PPP2R5C: variants seen among roughly 807,000 people sequenced by gnomAD.
The protein encoded by PPP2R5C is protein phosphatase 2 regulatory subunit B'gamma.
A neutral mutation model predicts 68.9 loss-of-function variants in PPP2R5C; 7 were observed. The ratio of observed to expected loss-of-function variants is 0.10; its 90% CI spans 0.06 to 0.19. The LOEUF is 0.19. PPP2R5C is among the 10% of genes least tolerant of loss of function. The pLI is 1.00. For missense variants in PPP2R5C, 348 were observed against 641.3 expected, an observed-to-expected ratio of 0.54 and a Z score of 4.94; for synonymous variants, 210 against 222.2, an observed-to-expected ratio of 0.95 and a Z score of 0.49.
At chr14:101,768,019 C>A (rs1287439614) in intron 2 of PPP2R5C, among the ~76,000 whole-genome samples, 2 of 152,206 alleles carry the variant, frequency 1.3e-5, no homozygotes, top group African/African-American at 2.4e-5. Context: ...GAACACTTGA[C>A]TGTGGGGCAA....
intron 2 of PPP2R5C, among the ~76,000 whole-genome samples, chr14:101,857,552 CAGTT>C (rs79013270): frequency 0.035 from 5,397 of 152,330 alleles, 110 homozygotes; most frequent in Non-Finnish European, 0.046. Flanking sequence ...TATCATCCTG[CAGTT>C]AGTTCACTGT....
At chr14:101,870,673 A>G (rs1025466292) in intron 2 of PPP2R5C, among the ~76,000 whole-genome samples, 9 of 152,206 alleles carry the variant, frequency 5.9e-5, no homozygotes, top group African/African-American at 2.2e-4. Flanking sequence ...TCAGCTTGTT[A>G]TCTACAAAAT....
chr14:101,831,702 T>C (rs1415516677), intron 1 of PPP2R5C: 3 of 693,614 alleles, frequency 4.3e-6, no homozygotes, highest in African/African-American at 3.5e-5. Flanking sequence ...CAAATGCAGA[T>C]TGCAAATGCA....
intron 2 of PPP2R5C, among the ~76,000 whole-genome samples, chr14:101,868,588 C>T (rs564362748): frequency 3.9e-5 from 6 of 152,244 alleles, no homozygotes; most frequent in African/African-American, 1.4e-4. Context: ...AAATTTTACA[C>T]TTTAAATATG....
rs1028982544 is a variant in PPP2R5C, at chr14:101,899,967, G to T, written c.853-1752G>T. On this transcript the variant is annotated intron_variant, in intron 8 of 13. Coordinates refer to ENST00000334743, the Ensembl canonical transcript of PPP2R5C. The surrounding 1 kb of genome is among the most constrained non-coding windows in gnomAD (Gnocchi z 4.2). ...AGTGGCGCAGTCATGGCTCACTGCA[G>T]CCTCAACCTCCTGGGCTCAAGCAAT... 3.9e-5 allele frequency among the ~76,000 whole-genome samples: 6 copies of T among 152,042 alleles called. No individual in the cohort carries two copies. The highest frequency in any genetic ancestry group is 7.4e-5 in the Non-Finnish European group (5 of 68,006).
intron 3 of PPP2R5C, among the ~76,000 whole-genome samples, chr14:101,802,025 G>A (rs964059714): frequency 1.3e-5 from 2 of 152,196 alleles, no homozygotes; most frequent in African/African-American, 2.4e-5. Flanking sequence ...GTGGTCAAAC[G>A]AGTTTTGACA....
At chr14:101,886,139 G>A (rs1432187986) in intron 5 of PPP2R5C, among the ~76,000 whole-genome samples, 3 of 152,164 alleles carry the variant, frequency 2.0e-5, no homozygotes, top group Admixed American at 2.0e-4. Context: ...AAATTAGCCG[G>A]GCGTGGTGGC....
At chr14:101,838,665 G>T (rs957778570) in intron 1 of PPP2R5C, among the ~76,000 whole-genome samples, 1 of 152,242 alleles carries the variant, frequency 6.6e-6, no homozygotes, top group Non-Finnish European at 1.5e-5. Flanking sequence ...CAGAAAGGAG[G>T]AGCCCCAGGG....
upstream of PPP2R5C, chr14:101,761,872 G>A: frequency 8.8e-7 from 1 of 1,133,364 alleles, no homozygotes; most frequent in Non-Finnish European, 1.1e-6. Flanking sequence ...GGCGGCGGCG[G>A]CGGCGGCGGC....
chr14:101,912,340 C>T, intron 11 of PPP2R5C, 61 bp from the exon 14 acceptor site: 4 of 1,430,008 alleles, frequency 2.8e-6, no homozygotes, highest in Non-Finnish European at 3.7e-6. Flanking sequence ...GCCTTTTCCC[C>T]TTCAGTGTGT....
chr14:101,834,787 A>G (rs1285948837), intron 1 of PPP2R5C, among the ~76,000 whole-genome samples: 1 of 152,102 alleles, frequency 6.6e-6, no homozygotes, highest in East Asian at 1.9e-4. Context: ...CTAATTGACT[A>G]CCTCTACTCT....
chr14:101,824,015 C>G, intron 1 of PPP2R5C: 1 of 1,289,136 alleles, frequency 7.8e-7, no homozygotes, highest in Non-Finnish European at 1.0e-6. Flanking sequence ...TCTCACTAGG[C>G]ACAGTGCCCA....
chr14:101,786,649 A>T lies in PPP2R5C; in HGVS notation c.259+466A>T, dbSNP rs1366204215. ...TTGCTTTGTTATGAGTCATTTGAGG[A>T]TTACCTCTACTCAAGCATTTCTTAT... On this transcript the variant is annotated intron_variant, in intron 3 of 14. Transcript: ENST00000328724. Among the ~76,000 whole-genome samples, 69 of 152,120 alleles carry T rather than the reference A, an allele frequency of 4.5e-4. 2 individuals are homozygous for T. The highest frequency in any genetic ancestry group is 4.5e-3 in the Admixed American group (69 of 15,264).
At chr14:101,923,631 A>T (rs2141215620) in intron 13 of PPP2R5C, among the ~76,000 whole-genome samples, 1 of 152,318 alleles carries the variant, frequency 6.6e-6, no homozygotes, top group African/African-American at 2.4e-5. Context: ...TTCCAGGGAA[A>T]CAAGAAACCA....
At chr14:101,878,560 C>G (rs1449439877) in intron 2 of PPP2R5C, among the ~76,000 whole-genome samples, 1 of 152,202 alleles carries the variant, frequency 6.6e-6, no homozygotes, top group East Asian at 1.9e-4. Flanking sequence ...TGCAGAGAAA[C>G]AGCAGGAGAG....
intron 9 of PPP2R5C, among the ~76,000 whole-genome samples, chr14:101,905,891 C>T (rs1050792226): frequency 3.3e-5 from 5 of 152,288 alleles, no homozygotes; most frequent in East Asian, 1.9e-4. Context: ...CACGCACCGC[C>T]GCTGCCTGTT....
chr14:101,774,077 T>C (rs1052755590), intron 2 of PPP2R5C, among the ~76,000 whole-genome samples: 2 of 152,222 alleles, frequency 1.3e-5, no homozygotes, highest in Non-Finnish European at 2.9e-5. Context: ...TCCTAGCTGC[T>C]ATGTGGGAAC....
At chr14:101,798,966 C>T (rs1432227004) in intron 3 of PPP2R5C, among the ~76,000 whole-genome samples, 2 of 152,162 alleles carry the variant, frequency 1.3e-5, no homozygotes, top group Admixed American at 1.3e-4. Context: ...CAGCATATCC[C>T]TCTTAATTAT....
rs1356906948 is a variant in PPP2R5C, at chr14:101,797,147, G to C, written c.259+10964G>C. 1 of 455,870 alleles carries C rather than the reference G, an allele frequency of 2.2e-6. No individual in the cohort carries two copies. Among genetic ancestry groups the C allele is most frequent in the Non-Finnish European group, 4.4e-6 (1 of 226,786 alleles). The allele number at this position is 455,870 out of a possible 1,614,324, so 28.2% of individuals were successfully genotyped here. A position where few individuals can be genotyped will look rare whatever the true frequency, so the allele number is the denominator to read the frequency against. ...TGCCCACAGTAGGAGCCTCTTAGAA[G>C]CGGAATCGTACAGTATCTGTCTTTC... On this transcript the variant is annotated intron_variant, in intron 3 of 14. Coordinates refer to the PPP2R5C transcript ENST00000328724. The surrounding 1 kb of genome is among the most constrained non-coding windows in gnomAD (Gnocchi z 4.2).
Sources: allele counts gnomAD v4.1 joint callset (sites outside exome capture counted in the v4.1 genomes callset), GRCh38; gene constraint gnomAD v4.1.1; non-coding constraint Gnocchi (gnomAD v3.1); transcripts MANE v1.5; gene names NCBI Gene and HGNC (gene_info 2026-07-23, HGNC 2026-07-21).